The following WWOX variants were observed in gnomAD, a reference collection of about 807,000 sequenced individuals.
The protein encoded by WWOX is WW domain containing oxidoreductase, also known as WW domain-containing oxidoreductase.
WWOX carries 69 observed loss-of-function variants against 46.2 expected under a neutral mutation model. That is an observed-to-expected ratio of 1.49 (90% confidence interval 1.23 to 1.82). The LOEUF (loss-of-function observed/expected upper bound fraction) is 1.82. WWOX is among the 40% of genes most tolerant of loss of function. The pLI is 0.00. For missense variants in WWOX, 919 were observed against 542.6 expected, an observed-to-expected ratio of 1.69 and a Z score of -6.89; for synonymous variants, 359 against 202.6, an observed-to-expected ratio of 1.77 and a Z score of -6.56.
At chr16:78,805,791 T>G (rs2051019030) in intron 8 of WWOX, among the ~76,000 whole-genome samples, 1 of 152,226 alleles carries the variant, frequency 6.6e-6, no homozygotes, top group Non-Finnish European at 1.5e-5. Context: ...TTGTTTTGTT[T>G]TTGTTTCTGT....
At chr16:78,583,496 C>G (rs528448070) in intron 8 of WWOX, among the ~76,000 whole-genome samples, 2 of 152,122 alleles carry the variant, frequency 1.3e-5, no homozygotes, top group Non-Finnish European at 2.9e-5. Context: ...GAAAAGCATC[C>G]CAGGTCATAA....
chr16:78,164,867 A>G (rs946375540), intron 5 of WWOX, among the ~76,000 whole-genome samples: 1 of 152,254 alleles, frequency 6.6e-6, no homozygotes, highest in Admixed American at 6.5e-5. Flanking sequence ...ACTGTAAAGC[A>G]GAGGAAGGTG....
At chr16:78,489,127 A>G (rs1211100331) in intron 8 of WWOX, among the ~76,000 whole-genome samples, 1 of 152,210 alleles carries the variant, frequency 6.6e-6, no homozygotes, top group Non-Finnish European at 1.5e-5. Context: ...CAATAGTGAA[A>G]GCAGGTTCTG....
intron 8 of WWOX, among the ~76,000 whole-genome samples, chr16:78,668,739 G>A (rs1276844300): frequency 6.6e-6 from 1 of 152,082 alleles, no homozygotes; most frequent in Non-Finnish European, 1.5e-5. Context: ...CACCCTGGAA[G>A]TTGAGTGATG....
chr16:79,087,918 A>G (rs1253945527), intron 8 of WWOX, among the ~76,000 whole-genome samples: 2 of 152,186 alleles, frequency 1.3e-5, no homozygotes, highest in African/African-American at 4.8e-5. Flanking sequence ...AAGGAGGCCT[A>G]GGGACCCTTG....
intron 5 of WWOX, among the ~76,000 whole-genome samples, chr16:78,266,704 C>G (rs1010688198): frequency 2.6e-5 from 4 of 151,504 alleles, no homozygotes; most frequent in African/African-American, 9.7e-5. Flanking sequence ...ATGGAATGAA[C>G]CAAGTTAACT....
chr16:78,802,905 G>C (rs111241285), intron 8 of WWOX, among the ~76,000 whole-genome samples: 4,255 of 81,716 alleles, frequency 0.052, 304 homozygotes, highest in African/African-American at 0.18. Context: ...CACAGAGCAA[G>C]ACTTCATCTG....
At chr16:78,272,798 A>G (rs1278184918) in intron 5 of WWOX, among the ~76,000 whole-genome samples, 2 of 151,992 alleles carry the variant, frequency 1.3e-5, no homozygotes, top group African/African-American at 4.8e-5. Context: ...TTTTTAATTC[A>G]CCACACTGTA....
rs184815774 is a variant in WWOX, at chr16:78,258,897, C to T, written c.516+94608C>T. On this transcript the variant is annotated intron_variant, in intron 5 of 8. Coordinates refer to ENST00000566780, the MANE Select transcript of WWOX (RefSeq NM_016373.4). ...CATTATCACACTCCACAAATCTCCACTTTACAGAGTTCACTTCCCTGCCTG... is the reference window on the plus strand; with the variant it reads ...CATTATCACACTCCACAAATCTCCATTTTACAGAGTTCACTTCCCTGCCTG... Among the ~76,000 whole-genome samples, 35 of 152,262 alleles carry T rather than the reference C, an allele frequency of 2.3e-4. No homozygotes were observed. In the East Asian group the frequency reaches 6.2e-3, roughly 27 times the overall value.
At chr16:78,837,024 C>A (rs2052005458) in intron 8 of WWOX, among the ~76,000 whole-genome samples, 1 of 152,114 alleles carries the variant, frequency 6.6e-6, no homozygotes, top group South Asian at 2.1e-4. Flanking sequence ...CTTCATCCCA[C>A]ACAATGGAAA....
At chr16:78,908,357 T>A in intron 8 of WWOX, among the ~76,000 whole-genome samples, 1 of 151,974 alleles carries the variant, frequency 6.6e-6, no homozygotes, top group East Asian at 1.9e-4. Context: ...CTGGCCAAGG[T>A]GGTGAAACCC....
chr16:78,561,929 T>C (rs948546272), intron 8 of WWOX, among the ~76,000 whole-genome samples: 2 of 151,982 alleles, frequency 1.3e-5, no homozygotes, highest in South Asian at 2.1e-4. Context: ...CTCTATCTAA[T>C]TTCCCATTAA....
At chr16:78,624,962 C>T (rs2046278440) in intron 8 of WWOX, among the ~76,000 whole-genome samples, 1 of 152,076 alleles carries the variant, frequency 6.6e-6, no homozygotes, top group African/African-American at 2.4e-5. Flanking sequence ...ATCATGGCCC[C>T]CTTCATATCC....
At chr16:78,165,758 A>C (rs1383983691) in intron 5 of WWOX, among the ~76,000 whole-genome samples, 1 of 152,212 alleles carries the variant, frequency 6.6e-6, no homozygotes, top group African/African-American at 2.4e-5. Flanking sequence ...AGTGAAAATA[A>C]AGAAAAGGAA....
chr16:78,926,606 G>A (rs1412962983), intron 8 of WWOX, among the ~76,000 whole-genome samples: 1 of 152,262 alleles, frequency 6.6e-6, no homozygotes, highest in Non-Finnish European at 1.5e-5. Context: ...TGCGGGAGTG[G>A]TTTGTCAGTT....
chr16:78,646,378 C>G (rs2046843547), intron 8 of WWOX, among the ~76,000 whole-genome samples: 1 of 152,116 alleles, frequency 6.6e-6, no homozygotes. Context: ...CCTCCATCCT[C>G]CATCTTAGCC....
chr16:78,113,224 T>C (rs1246806798), intron 3 of WWOX, among the ~76,000 whole-genome samples: 2 of 152,124 alleles, frequency 1.3e-5, no homozygotes, highest in African/African-American at 4.8e-5. Flanking sequence ...GAATCAGCAC[T>C]GGGGTGGGGC....
chr16:78,751,493 A>T (rs1479222500), intron 8 of WWOX, among the ~76,000 whole-genome samples: 1 of 143,008 alleles, frequency 7.0e-6, no homozygotes, highest in East Asian at 2.0e-4. Flanking sequence ...ATATATGCAT[A>T]TGTTTGTATA....
intron 8 of WWOX, among the ~76,000 whole-genome samples, chr16:79,098,154 C>T (rs1174967231): frequency 6.6e-6 from 1 of 152,230 alleles, no homozygotes; most frequent in African/African-American, 2.4e-5. Context: ...TCATCAGAAT[C>T]ACCTGGGAGC....
Sources: gnomAD v4.1 joint callset for allele counts (sites outside exome capture counted in the v4.1 genomes callset) on GRCh38, gnomAD v4.1.1 for gene constraint, MANE v1.5 for transcripts, NCBI Gene and HGNC (gene_info 2026-07-23, HGNC 2026-07-21) for gene names.